The following ROBO1 variants were observed in gnomAD, a reference collection of about 807,000 sequenced individuals.
The protein encoded by ROBO1 is roundabout homolog 1.
In ROBO1, 149 loss-of-function variants were observed where a neutral mutation model predicts 195.9. That is an observed-to-expected ratio of 0.76 (90% CI 0.67 to 0.87). ROBO1 has a LOEUF of 0.87. ROBO1 is among the 40% of genes least tolerant of loss of function. The pLI, the probability that ROBO1 is intolerant of heterozygous loss-of-function variation, is 0.00. For synonymous variants in ROBO1, 816 were observed against 733.2 expected, an observed-to-expected ratio of 1.11 and a Z score of -1.82; for missense variants, 1,933 against 2,068.3, an observed-to-expected ratio of 0.93 and a Z score of 1.27.
intron 2 of ROBO1, among the ~76,000 whole-genome samples, chr3:79,430,321 A>G (rs1406392478): frequency 1.3e-5 from 2 of 152,140 alleles, no homozygotes; most frequent in African/African-American, 4.8e-5. Flanking sequence ...TGTCCAACTC[A>G]ATATAATTTA....
At chr3:78,800,201 T>A (rs536250896) in intron 4 of ROBO1, among the ~76,000 whole-genome samples, 3 of 152,292 alleles carry the variant, frequency 2.0e-5, no homozygotes, top group African/African-American at 7.2e-5. Flanking sequence ...ATTTTAAAAT[T>A]CTGCATATTT....
At chr3:78,717,997 A>G in intron 5 of ROBO1, 114 bp from the exon 6 acceptor site, 1 of 982,380 alleles carries the variant, frequency 1.0e-6, no homozygotes, top group Non-Finnish European at 1.5e-6. Context: ...AAGCATAATT[A>G]CATCAACAGC....
In ROBO1 at chr3:78,739,746, A is replaced by G. The variant is rs2108243205; in HGVS notation, c.657+6997T>C. On this transcript the variant is annotated intron_variant, in intron 5 of 30. Coordinates refer to ENST00000464233, the MANE Select transcript of ROBO1 (RefSeq NM_002941.4). Reference sequence around the variant, plus strand: ...TATAGATTTCAATACTGAACATAATATGGACTAGTTCTTGAACATGCCAAA... The same window carrying G: ...TATAGATTTCAATACTGAACATAATGTGGACTAGTTCTTGAACATGCCAAA... Among the ~76,000 whole-genome samples, 2 of 152,312 alleles carry G rather than the reference A, an allele frequency of 1.3e-5. 1 individual carries two copies. Among genetic ancestry groups the G allele is most frequent in the Middle Eastern group, 6.8e-3 (2 of 294 alleles).
At chr3:79,039,574 G>T (rs2078443993) in intron 3 of ROBO1, among the ~76,000 whole-genome samples, 1 of 152,050 alleles carries the variant, frequency 6.6e-6, no homozygotes, top group African/African-American at 2.4e-5. Context: ...GAGGTGGGCA[G>T]ATCACGAGGT....
At chr3:79,068,246 A>T (rs2079034142) in intron 3 of ROBO1, among the ~76,000 whole-genome samples, 1 of 151,810 alleles carries the variant, frequency 6.6e-6, no homozygotes, top group South Asian at 2.1e-4. Context: ...TAAGGCCCAG[A>T]TTCCTCTCCC....
At chr3:79,171,230 C>A (rs2081159630) in intron 2 of ROBO1, among the ~76,000 whole-genome samples, 1 of 150,026 alleles carries the variant, frequency 6.7e-6, no homozygotes. Flanking sequence ...ATGAAAGTAA[C>A]AATTTTGTAA....
chr3:78,994,870 A>T (rs2077323528), intron 3 of ROBO1, among the ~76,000 whole-genome samples: 1 of 152,092 alleles, frequency 6.6e-6, no homozygotes, highest in African/African-American at 2.4e-5. Flanking sequence ...AAGTATAATG[A>T]CCTACCATTT....
chr3:79,249,915 C>A (rs905440720), intron 2 of ROBO1, among the ~76,000 whole-genome samples: 1 of 151,926 alleles, frequency 6.6e-6, no homozygotes, highest in Non-Finnish European at 1.5e-5. Context: ...AAAATGGGTG[C>A]CAAAGAAGCC....
intron 2 of ROBO1, among the ~76,000 whole-genome samples, chr3:79,563,841 A>G (rs1338078214): frequency 6.6e-6 from 1 of 152,098 alleles, no homozygotes; most frequent in Non-Finnish European, 1.5e-5. Flanking sequence ...TTCTTCTACC[A>G]TAAACATTAC....
intron 3 of ROBO1, among the ~76,000 whole-genome samples, chr3:78,981,012 A>G (rs2076979203): frequency 6.6e-6 from 1 of 152,182 alleles, no homozygotes; most frequent in Non-Finnish European, 1.5e-5. Context: ...GATATGTGTT[A>G]TATGTGTTAA....
intron 1 of ROBO1, among the ~76,000 whole-genome samples, chr3:79,748,395 A>G (rs934918741): frequency 3.3e-5 from 5 of 152,160 alleles, no homozygotes; most frequent in African/African-American, 9.7e-5. Context: ...CAGATGGGAG[A>G]GATTGATTAT....
At chr3:79,623,804 C>G (rs1371882985) in intron 1 of ROBO1, among the ~76,000 whole-genome samples, 4 of 152,254 alleles carry the variant, frequency 2.6e-5, no homozygotes, top group Admixed American at 2.6e-4. Flanking sequence ...CTTTCCCAAC[C>G]TAGCAAGACG....
At chr3:78,713,889 C>T (rs111990825) in intron 8 of ROBO1, among the ~76,000 whole-genome samples, 33 of 152,290 alleles carry the variant, frequency 2.2e-4, no homozygotes, top group East Asian at 1.7e-3. Context: ...GCACTCTGTG[C>T]GCACAAAACA....
At chr3:79,171,656 A>G (rs1413484001) in intron 2 of ROBO1, among the ~76,000 whole-genome samples, 2 of 152,112 alleles carry the variant, frequency 1.3e-5, no homozygotes, top group Non-Finnish European at 2.9e-5. Context: ...AAAACAAGTG[A>G]AGTTCTGGCA....
intron 29 of ROBO1, 63 bp from the exon 30 acceptor site, chr3:78,600,372 T>A: frequency 9.7e-7 from 1 of 1,033,528 alleles, no homozygotes; most frequent in Non-Finnish European, 1.5e-6. Flanking sequence ...GTATATTGTA[T>A]CACTCCTGTC....
intron 1 of ROBO1, among the ~76,000 whole-genome samples, chr3:79,620,392 A>G (rs920233351): frequency 5.9e-5 from 9 of 152,104 alleles, no homozygotes; most frequent in African/African-American, 1.9e-4. Flanking sequence ...ATCAAAACGG[A>G]GGCAACCCAC....
At chr3:79,621,904 G>A (rs1366289732) in intron 1 of ROBO1, among the ~76,000 whole-genome samples, 2 of 152,102 alleles carry the variant, frequency 1.3e-5, no homozygotes, top group African/African-American at 4.8e-5. Flanking sequence ...ATAAAACCTG[G>A]GGAGCGGGCC....
chr3:79,308,529 T>C (rs1333484510), intron 2 of ROBO1, among the ~76,000 whole-genome samples: 1 of 152,118 alleles, frequency 6.6e-6, no homozygotes, highest in Non-Finnish European at 1.5e-5. Context: ...TGCGAATTAG[T>C]GTGGAAATGG....
At chr3:78,943,345 G>T (rs981164179) in intron 3 of ROBO1, among the ~76,000 whole-genome samples, 2 of 152,192 alleles carry the variant, frequency 1.3e-5, no homozygotes, top group Admixed American at 6.5e-5. Flanking sequence ...CAGTGTTGCT[G>T]AGAGTTCACT....
Sources: allele counts gnomAD v4.1 joint callset (sites outside exome capture counted in the v4.1 genomes callset), GRCh38; gene constraint gnomAD v4.1.1; transcripts MANE v1.5; gene names NCBI Gene and HGNC (gene_info 2026-07-23, HGNC 2026-07-21).